The following NCKAP5 variants were observed in gnomAD, a reference collection of about 807,000 sequenced individuals.
NCKAP5 encodes the protein nck-associated protein 5.
A neutral mutation model predicts 167.0 loss-of-function variants in NCKAP5; 92 were observed. That is an observed-to-expected ratio of 0.55 (90% confidence interval 0.47 to 0.66). NCKAP5 has a LOEUF of 0.66. NCKAP5 is among the 30% of genes least tolerant of loss of function. The probability of loss-of-function intolerance (pLI) is 0.00; values close to 1 mark genes in which losing one functional copy is unlikely to be tolerated. For missense variants in NCKAP5, 2,378 were observed against 2,315.0 expected (o/e 1.03, Z -0.56); for synonymous variants, 891 against 877.4 (o/e 1.02, Z -0.27).
chr2:132,707,080 C>T (rs569067103), intron 19 of NCKAP5, among the ~76,000 whole-genome samples: 2 of 152,286 alleles, frequency 1.3e-5, no homozygotes, highest in Admixed American at 1.3e-4. Context: ...AATCACAGTC[C>T]CTGGTTTCAA....
chr2:132,879,743 C>G (rs1441318632), intron 8 of NCKAP5, among the ~76,000 whole-genome samples: 1 of 152,148 alleles, frequency 6.6e-6, no homozygotes, highest in African/African-American at 2.4e-5. Context: ...CTCTACGTGC[C>G]CCTTCTCTAA....
intron 3 of NCKAP5, among the ~76,000 whole-genome samples, chr2:133,455,721 C>T (rs918740599): frequency 2.6e-5 from 4 of 152,106 alleles, no homozygotes; most frequent in East Asian, 3.9e-4. Context: ...AAAAGACCCT[C>T]GCTGAAAAAG....
chr2:133,649,368 T>C, the NCKAP5 span, among the ~76,000 whole-genome samples: 1 of 151,334 alleles, frequency 6.6e-6, no homozygotes, highest in Non-Finnish European at 1.5e-5. Flanking sequence ...AAAGAATACT[T>C]CCAAACTGAT....
chr2:133,275,142 C>T (rs181458645), intron 4 of NCKAP5, among the ~76,000 whole-genome samples: 2 of 151,852 alleles, frequency 1.3e-5, no homozygotes, highest in African/African-American at 4.8e-5. Context: ...AGTTAAGTGG[C>T]AATAACTATA....
chr2:132,946,665 G>A (rs553783673), intron 8 of NCKAP5, among the ~76,000 whole-genome samples: 1 of 152,178 alleles, frequency 6.6e-6, no homozygotes, highest in Non-Finnish European at 1.5e-5. Flanking sequence ...GGGAAGCCGA[G>A]GGGGGTGGAT....
chr2:133,321,671 G>A (rs1454972592), intron 3 of NCKAP5, among the ~76,000 whole-genome samples: 2 of 152,132 alleles, frequency 1.3e-5, no homozygotes, highest in Admixed American at 6.5e-5. Flanking sequence ...CCATAGAGAC[G>A]TCCAGTTTTC....
At chr2:133,601,388 C>G in the NCKAP5 span, among the ~76,000 whole-genome samples, 1 of 152,174 alleles carries the variant, frequency 6.6e-6, no homozygotes, top group African/African-American at 2.4e-5. Context: ...AACAATGTGC[C>G]AGGCATGCTT....
chr2:133,355,604 T>C (rs1574783536), intron 3 of NCKAP5, among the ~76,000 whole-genome samples: 1 of 152,272 alleles, frequency 6.6e-6, no homozygotes, highest in East Asian at 1.9e-4. Flanking sequence ...CCAACCTTTT[T>C]TTTTTCTTTT....
intron 8 of NCKAP5, among the ~76,000 whole-genome samples, chr2:132,957,321 T>C (rs1427618079): frequency 1.3e-5 from 2 of 152,186 alleles, no homozygotes; most frequent in African/African-American, 4.8e-5. Flanking sequence ...CCACATCCAA[T>C]GGATCCGTAA....
chr2:133,027,332 A>G (rs2078732044), intron 6 of NCKAP5, among the ~76,000 whole-genome samples: 1 of 152,222 alleles, frequency 6.6e-6, no homozygotes, highest in African/African-American at 2.4e-5. Context: ...ATTATAGATT[A>G]TATGTCACTA....
At chr2:132,844,294 G>C (rs1387313781) in intron 11 of NCKAP5, among the ~76,000 whole-genome samples, 2 of 151,906 alleles carry the variant, frequency 1.3e-5, no homozygotes, top group East Asian at 3.9e-4. Flanking sequence ...CTTTTTAACT[G>C]TGTAAGTAAC....
intron 19 of NCKAP5, among the ~76,000 whole-genome samples, chr2:132,678,984 G>A (rs530918807): frequency 4.6e-4 from 70 of 152,116 alleles, no homozygotes; most frequent in African/African-American, 1.5e-3. Context: ...TCTTCTGGGC[G>A]TCTATTATTG....
chr2:133,253,320 T>C lies in NCKAP5; in HGVS notation c.144-39541A>G, dbSNP rs530000372. On this transcript the variant is annotated intron_variant, in intron 4 of 19. Transcript: ENST00000409261. ...CATTCTGCCGGACCTTTACATAACT[T>C]ACTTCATCAAACACTGATGATAAGC... Among the ~76,000 whole-genome samples the C allele has an allele frequency of 7.9e-5, 12 of 152,376 alleles. No homozygotes were observed. In the South Asian group the frequency reaches 2.5e-3, roughly 32 times the overall value.
At chr2:132,976,240 A>T (rs868612394) in intron 7 of NCKAP5, among the ~76,000 whole-genome samples, 20 of 152,246 alleles carry the variant, frequency 1.3e-4, no homozygotes, top group Non-Finnish European at 1.6e-4. Flanking sequence ...GCAGCGGTTG[A>T]GGAGATACTG....
intron 3 of NCKAP5, among the ~76,000 whole-genome samples, chr2:133,413,619 T>C (rs1688914972): frequency 1.3e-5 from 2 of 152,024 alleles, no homozygotes; most frequent in South Asian, 4.2e-4. Flanking sequence ...AAAAATTTAA[T>C]GAGCTAAACT....
At chr2:133,267,043 G>C (rs2089274930) in intron 4 of NCKAP5, among the ~76,000 whole-genome samples, 3 of 151,074 alleles carry the variant, frequency 2.0e-5, no homozygotes, top group Non-Finnish European at 3.0e-5. Flanking sequence ...AGTCTCAACC[G>C]AACGGTTCTG....
chr2:132,766,257 C>T (rs1055013108), intron 16 of NCKAP5, among the ~76,000 whole-genome samples: 1 of 112,868 alleles, frequency 8.9e-6, no homozygotes, highest in African/African-American at 3.6e-5. Flanking sequence ...TCCAGCCTGG[C>T]GAAACAGTGA....
intron 6 of NCKAP5, among the ~76,000 whole-genome samples, chr2:133,058,570 G>A (rs750616942): frequency 2.2e-4 from 34 of 152,250 alleles, no homozygotes; most frequent in Admixed American, 9.2e-4. Context: ...TAGAAGTGAA[G>A]CCTGAAGATG....
chr2:133,576,226 T>C, the NCKAP5 span, among the ~76,000 whole-genome samples: 10 of 151,034 alleles, frequency 6.6e-5, no homozygotes, highest in Non-Finnish European at 1.5e-4. Flanking sequence ...CATTCTTTTT[T>C]CTTCAGCTAC....
Sources: allele counts gnomAD v4.1 joint callset (sites outside exome capture counted in the v4.1 genomes callset), GRCh38; gene constraint gnomAD v4.1.1; transcripts MANE v1.5; gene names NCBI Gene and HGNC (gene_info 2026-07-23, HGNC 2026-07-21).